The following HUWE1 variants were observed in gnomAD, a reference collection of about 807,000 sequenced individuals.
The protein encoded by HUWE1 is E3 ubiquitin-protein ligase HUWE1.
HUWE1 carries 18 observed loss-of-function variants against 299.4 expected under a neutral mutation model. The ratio of observed to expected loss-of-function variants is 0.06; its 90% confidence interval spans 0.04 to 0.09. The LOEUF (loss-of-function observed/expected upper bound fraction) is 0.09. Among genes scored for constraint, HUWE1 ranks in the 10% least tolerant of loss-of-function variants. The probability of loss-of-function intolerance (pLI) is 1.00; values close to 1 mark genes in which losing one functional copy is unlikely to be tolerated. For missense variants in HUWE1, 1,832 were observed against 3,462.3 expected, an observed-to-expected ratio of 0.53 and a Z score of 11.82; for synonymous variants, 1,317 against 1,286.1, an observed-to-expected ratio of 1.02 and a Z score of -0.51.
chrX:53,587,777 T>A (rs2063935424), intron 37 of HUWE1, among the ~76,000 whole-genome samples: 1 of 111,755 alleles, frequency 8.9e-6, no homozygotes, highest in Admixed American at 9.5e-5. Flanking sequence ...GTTCATTAAG[T>A]TCAGGTTTTA....
At chrX:53,589,263 A>G (rs782239601) in intron 36 of HUWE1, among the ~76,000 whole-genome samples, 63 of 112,270 alleles carry the variant, frequency 5.6e-4, no homozygotes, top group African/African-American at 2.0e-3. Context: ...ACATTTATTC[A>G]GTATTAGTCC....
intron 3 of HUWE1, among the ~76,000 whole-genome samples, chrX:53,674,029 A>G (rs1947991170): frequency 1.8e-5 from 2 of 111,608 alleles, no homozygotes; most frequent in South Asian, 7.4e-4. Context: ...AGGCAGTATT[A>G]TAAGGCCAGA....
chrX:53,628,963 TC>T, intron 13 of HUWE1, 61 bp from the exon 14 acceptor site: 1 of 996,977 alleles, frequency 1.0e-6, no homozygotes, highest in Non-Finnish European at 1.4e-6. Flanking sequence ...TGAACCAAGT[TC>T]CAGTTGCTAA....
At position 53,604,837 on chromosome X, in the gene HUWE1, G is replaced by A. The variant is rs1556995362; in HGVS notation, c.2497-3C>T. ...ACTTTGGGTTCATGTGACAGTGTCT[G>A]AAACAGGAAGAATAATTAAAGTGTT... is the stretch of plus-strand genomic sequence containing the variant. On this transcript the variant is annotated splice_polypyrimidine_tract_variant and splice_region_variant and intron_variant, in intron 25 of 83. Transcript: ENST00000262854. 1 of 1,198,624 alleles carries A rather than the reference G, an allele frequency of 8.3e-7. No individual in the cohort carries two copies. The highest frequency in any genetic ancestry group is 1.1e-6 in the Non-Finnish European group (1 of 883,732).
At position 53,647,394 on chromosome X, in the gene HUWE1, A is replaced by T; in HGVS notation, c.325T>A (p.Ser109Thr). The T allele has an allele frequency of 1.7e-6, 2 of 1,209,429 alleles. No individual in the cohort carries two copies. Among genetic ancestry groups the T allele is most frequent in the Non-Finnish European group, 2.2e-6 (2 of 893,273 alleles). ...TCTATGGAACTGTACAGATGCCGGG[A>T]AAAGCTGTACTCAATGAGCAAGGCT... ...FTALLIEYSF[S>T]RHLYSSIEHL... The change falls in exon 6 of 84, where the codon TCC (serine) becomes ACC (threonine). Residue 109 changes from serine (S) to threonine (T), a missense_variant. Around this residue, in one of 15 missense-constraint regions of HUWE1, gnomAD observed 658 missense variants for 1,282.6 expected, o/e 0.51. Coordinates refer to ENST00000262854, the MANE Select transcript of HUWE1 (RefSeq NM_031407.7).
At chrX:53,539,217 A>C in intron 75 of HUWE1, 137 bp from the exon 76 acceptor site, 21 of 698,834 alleles carry the variant, frequency 3.0e-5, no homozygotes, top group Non-Finnish European at 4.5e-5. Flanking sequence ...GTGGTGGCTC[A>C]CACCTATGAT....
At chrX:53,593,322 G>T in intron 32 of HUWE1, 42 bp downstream of exon 32, 1 of 944,419 alleles carries the variant, frequency 1.1e-6, no homozygotes, top group Non-Finnish European at 1.5e-6. Context: ...GAACGACTTA[G>T]CATGAGAAAT....
chrX:53,589,253 A>T lies in HUWE1; in HGVS notation c.4461+294T>A, dbSNP rs146675273. Among the ~76,000 whole-genome samples the T allele has an allele frequency of 2.0e-3, 225 of 112,152 alleles. 1 individual carries two copies. The highest frequency in any genetic ancestry group is 7.0e-3 in the African/African-American group (215 of 30,909). On this transcript the variant is annotated intron_variant, in intron 36 of 83. Coordinates refer to ENST00000262854, the MANE Select transcript of HUWE1 (RefSeq NM_031407.7). Reference sequence around the variant, plus strand: ...TCAAGCGGCTGTTACATAGGAAAAAACATTTATTCAGTATTAGTCCAGGGG... The same window carrying T: ...TCAAGCGGCTGTTACATAGGAAAAATCATTTATTCAGTATTAGTCCAGGGG...
intron 21 of HUWE1, 152 bp from the exon 22 acceptor site, chrX:53,615,987 T>G (rs2065777675): frequency 8.5e-6 from 4 of 468,238 alleles, no homozygotes; most frequent in Non-Finnish European, 1.5e-5. Context: ...CAGACTGGAG[T>G]GCAGTGTCAC....
intron 61 of HUWE1, 35 bp from the exon 62 acceptor site, chrX:53,552,928 A>T: frequency 1.7e-6 from 2 of 1,207,774 alleles, no homozygotes; most frequent in African/African-American, 1.7e-5. Flanking sequence ...TTAGGTTTCT[A>T]TCTGGAACCG....
chrX:53,589,455 T>C, intron 36 of HUWE1, 92 bp downstream of exon 36: 8 of 882,995 alleles, frequency 9.1e-6, no homozygotes, highest in Non-Finnish European at 1.2e-5. Flanking sequence ...TCAGGTAGAA[T>C]GAAAATATGC....
chrX:53,686,117 T>C (rs1464466777), intron 2 of HUWE1, among the ~76,000 whole-genome samples, 153 bp downstream of exon 2: 1 of 112,616 alleles, frequency 8.9e-6, no homozygotes, highest in African/African-American at 3.2e-5. Flanking sequence ...AAAACATATA[T>C]ATGCAACGCC....
intron 3 of HUWE1, among the ~76,000 whole-genome samples, chrX:53,670,643 T>C (rs2069475766): frequency 9.0e-6 from 1 of 111,673 alleles, no homozygotes; most frequent in African/African-American, 3.3e-5. Flanking sequence ...TATCTTCTAG[T>C]GATGTCTGCA....
intron 47 of HUWE1, among the ~76,000 whole-genome samples, chrX:53,573,461 G>A (rs1432854525): frequency 4.5e-5 from 5 of 111,914 alleles, no homozygotes; most frequent in South Asian, 3.7e-4. Flanking sequence ...CCGCCACCAC[G>A]CCTGGCTAAT....
intron 48 of HUWE1, 80 bp downstream of exon 48, chrX:53,569,536 G>C (rs2062726973): frequency 1.1e-5 from 11 of 969,987 alleles, no homozygotes; most frequent in Non-Finnish European, 1.6e-5. Context: ...TTTTGTTCAA[G>C]TGCAAAACCA....
chrX:53,596,438 A>T, intron 29 of HUWE1, among the ~76,000 whole-genome samples: 2 of 112,625 alleles, frequency 1.8e-5, no homozygotes, highest in South Asian at 3.7e-4. Flanking sequence ...CAAATTATAA[A>T]AATTTAATAT....
chrX:53,601,073 C>G (rs1357456090), intron 28 of HUWE1, among the ~76,000 whole-genome samples: 1 of 111,876 alleles, frequency 8.9e-6, no homozygotes, highest in Non-Finnish European at 1.9e-5. Flanking sequence ...CTCACAATAA[C>G]CAGCTGTCAT....
At position 53,580,389 on chromosome X, in the gene HUWE1, T is replaced by C. The variant is rs112043153; in HGVS notation, c.5716+442A>G. 4.0e-3 allele frequency among the ~76,000 whole-genome samples: 451 copies of C among 112,487 alleles called. 2 individuals are homozygous for C. The highest frequency in any genetic ancestry group is 0.014 in the African/African-American group (438 of 30,976). ...AAGAGTCTAGGCCAGTTGTCTTATA[T>C]AGAACATCTCACAATTTGTATTTAT... is the stretch of plus-strand genomic sequence containing the variant. On this transcript the variant is annotated intron_variant, in intron 43 of 83. Transcript: ENST00000262854.
intron 3 of HUWE1, among the ~76,000 whole-genome samples, chrX:53,679,019 T>G (rs782445339): frequency 2.7e-5 from 3 of 111,918 alleles, no homozygotes; most frequent in Admixed American, 9.4e-5. Context: ...CCAACTAGGA[T>G]ACAGGAGATT....
Sources: allele counts gnomAD v4.1 joint callset (sites outside exome capture counted in the v4.1 genomes callset), GRCh38; gene constraint gnomAD v4.1.1; regional missense constraint gnomAD v4.1.1; transcripts MANE v1.5; gene names NCBI Gene and HGNC (gene_info 2026-07-23, HGNC 2026-07-21).